Variants in NFAM1 observed in about 807,000 individuals in gnomAD.
NFAM1 encodes NFAT activation molecule 1.
In NFAM1, 17 loss-of-function variants were observed where a neutral mutation model predicts 29.0. The ratio of observed to expected loss-of-function variants is 0.59; its 90% confidence interval spans 0.40 to 0.88. NFAM1 has a LOEUF of 0.88. Among genes scored for constraint, NFAM1 ranks in the 40% least tolerant of loss-of-function variants. The pLI, the probability that NFAM1 is intolerant of heterozygous loss-of-function variation, is 0.00. For synonymous variants in NFAM1, 175 were observed against 147.2 expected (o/e 1.19, Z -1.36); for missense variants, 324 against 344.6 (o/e 0.94, Z 0.47).
chr22:42,417,232 A>G (rs1930290581), intron 1 of NFAM1, among the ~76,000 whole-genome samples: 1 of 152,168 alleles, frequency 6.6e-6, no homozygotes. Context: ...TGTCTGTTAC[A>G]CAGGGTTAGA....
At chr22:42,421,676 C>T (rs1434929885) in intron 1 of NFAM1, among the ~76,000 whole-genome samples, 3 of 152,114 alleles carry the variant, frequency 2.0e-5, no homozygotes, top group Admixed American at 6.6e-5. Context: ...CAGTCAAGGG[C>T]GTGAGGACCC....
At chr22:42,429,922 C>T (rs1273299018) in intron 1 of NFAM1, among the ~76,000 whole-genome samples, 3 of 152,126 alleles carry the variant, frequency 2.0e-5, no homozygotes, top group Non-Finnish European at 4.4e-5. Flanking sequence ...AGGGGTGTGA[C>T]ATGGAGTGAC....
At chr22:42,402,010 T>C (rs1261334422) in intron 3 of NFAM1, among the ~76,000 whole-genome samples, 1 of 152,186 alleles carries the variant, frequency 6.6e-6, no homozygotes, top group African/African-American at 2.4e-5. Flanking sequence ...CTGGGGACAC[T>C]AAGTCCCCCG....
At chr22:42,414,053 C>CAA (rs527811085) in intron 1 of NFAM1, among the ~76,000 whole-genome samples, 1 of 151,160 alleles carries the variant, frequency 6.6e-6, no homozygotes, top group Non-Finnish European at 1.5e-5. Flanking sequence ...GACTTCGTCT[C>CAA]AAAAAAAACA....
At chr22:42,410,479 C>T (rs1396154346) in intron 2 of NFAM1, 75 of 383,290 alleles carry the variant, frequency 2.0e-4, no homozygotes, top group African/African-American at 2.1e-4. Flanking sequence ...GCCAACATGG[C>T]GAAATCTTGT....
At chr22:42,418,798 C>A (rs1379198961) in intron 1 of NFAM1, among the ~76,000 whole-genome samples, 1 of 152,034 alleles carries the variant, frequency 6.6e-6, no homozygotes, top group African/African-American at 2.4e-5. Flanking sequence ...CACAGAAGGA[C>A]CCCCAGGGGT....
intron 4 of NFAM1, among the ~76,000 whole-genome samples, chr22:42,393,198 C>T (rs74854193): frequency 0.023 from 3,499 of 151,778 alleles, 68 homozygotes; most frequent in Middle Eastern, 0.041. Flanking sequence ...TAGACAAATC[C>T]ACAATCATAC....
In NFAM1 at chr22:42,409,528, G is replaced by C. The variant is rs1382964992; in HGVS notation, c.471C>G (p.Pro157=). 6.5e-7 allele frequency: 1 copy of C among 1,541,172 alleles called. No individual in the cohort carries two copies. The highest frequency in any genetic ancestry group is 8.8e-7 in the Non-Finnish European group (1 of 1,142,514). ...GCAGGAGCTTCTGTGGACTCTGCGGGGGCTCTCGGTACCCTGCGTCTAGGA... is the reference window on the plus strand; with the variant it reads ...GCAGGAGCTTCTGTGGACTCTGCGGCGGCTCTCGGTACCCTGCGTCTAGGA... The part of the protein sequence containing the change: ...ILVRDAGYRE[P]PQSPQKLLLF... The change falls in exon 3 of 6, where the codon CCC becomes CCG. Residue 157 remains proline (P), a synonymous_variant. Coordinates refer to ENST00000329021, the MANE Select transcript of NFAM1 (RefSeq NM_145912.8). The surrounding 1 kb of genome is among the most constrained non-coding windows in gnomAD (Gnocchi z 4.9).
chr22:42,401,611 T>C (rs1213932781), intron 3 of NFAM1, among the ~76,000 whole-genome samples: 1 of 152,116 alleles, frequency 6.6e-6, no homozygotes, highest in Non-Finnish European at 1.5e-5. Context: ...GGGGCTGCTT[T>C]GCTCCCTGCC....
At chr22:42,391,943 C>A (rs1209679488) in intron 4 of NFAM1, among the ~76,000 whole-genome samples, 3 of 87,798 alleles carry the variant, frequency 3.4e-5, no homozygotes, top group Admixed American at 1.6e-4. Flanking sequence ...GAGACTCTGT[C>A]TCAAAAAAAA....
chr22:42,400,287 A>G (rs1437463633), intron 3 of NFAM1, among the ~76,000 whole-genome samples: 1 of 152,112 alleles, frequency 6.6e-6, no homozygotes, highest in Admixed American at 6.5e-5. Context: ...TTTAATTCTC[A>G]TAACAGCCAG....
intron 1 of NFAM1, among the ~76,000 whole-genome samples, chr22:42,416,383 C>T (rs1930260618): frequency 6.6e-6 from 1 of 152,120 alleles, no homozygotes; most frequent in South Asian, 2.1e-4. Context: ...GCTTCGGACC[C>T]CAGTTGGTCT....
At chr22:42,408,992 G>C (rs887764065) in intron 3 of NFAM1, among the ~76,000 whole-genome samples, 8 of 151,656 alleles carry the variant, frequency 5.3e-5, no homozygotes, top group African/African-American at 1.9e-4. Context: ...GGGAGGGTGT[G>C]TGGGAGGGTT....
rs776115240 is a variant in NFAM1 at position 42,384,830 on chromosome 22, T to G, written c.*331A>C. Reference sequence around the variant, plus strand: ...AAGAGAGCATGCTGCTCTGTCAGCATGAGGCAGTGAGCAGGGCTCTGGGCA... The same window carrying G: ...AAGAGAGCATGCTGCTCTGTCAGCAGGAGGCAGTGAGCAGGGCTCTGGGCA... On this transcript the variant is annotated 3_prime_UTR_variant, in exon 6 of 6. Coordinates refer to ENST00000329021, the MANE Select transcript of NFAM1 (RefSeq NM_145912.8). 12 of 415,324 alleles carry G rather than the reference T, an allele frequency of 2.9e-5. No homozygotes were observed. The highest frequency in any genetic ancestry group is 2.4e-4 in the African/African-American group (12 of 49,354). The allele number at this position is 415,324 out of a possible 1,614,324, so 25.7% of individuals were successfully genotyped here. A position where few individuals can be genotyped will look rare whatever the true frequency, so the allele number is the denominator to read the frequency against.
intron 1 of NFAM1, among the ~76,000 whole-genome samples, chr22:42,417,950 C>T (rs747904101): frequency 1.3e-5 from 2 of 152,228 alleles, no homozygotes; most frequent in Non-Finnish European, 2.9e-5. Flanking sequence ...GAACTGCAAG[C>T]GCAGACATCT....
In NFAM1 at chr22:42,409,013, G is replaced by C. The variant is rs577014993; in HGVS notation, c.564+422C>G. Among the ~76,000 whole-genome samples, 1 of 151,924 alleles carries C rather than the reference G, an allele frequency of 6.6e-6. No homozygotes were observed. Among genetic ancestry groups the C allele is most frequent in the Non-Finnish European group, 1.5e-5 (1 of 67,924 alleles). On this transcript the variant is annotated intron_variant, in intron 3 of 5. Coordinates refer to ENST00000329021, the MANE Select transcript of NFAM1 (RefSeq NM_145912.8). This position sits in a 1 kb window ranked among gnomAD's most constrained non-coding sequence, Gnocchi z 4.9. ...GTGTGTGGGAGGGTTGCTGGAGGGC[G>C]TGCGAGAGGGCGAGTGGGAGGGTGT...
At chr22:42,400,607 G>C (rs559750506) in intron 3 of NFAM1, among the ~76,000 whole-genome samples, 1 of 152,312 alleles carries the variant, frequency 6.6e-6, no homozygotes, top group South Asian at 2.1e-4. Context: ...AAAAGAGTGA[G>C]ACTCTATCTC....
chr22:42,408,414 G>T (rs9623585), intron 3 of NFAM1, among the ~76,000 whole-genome samples: 3 of 152,020 alleles, frequency 2.0e-5, no homozygotes, highest in Admixed American at 6.5e-5. Context: ...CAGTGTTCAC[G>T]CCTCACACCC....
At chr22:42,392,950 C>A (rs1021829087) in intron 4 of NFAM1, among the ~76,000 whole-genome samples, 2 of 152,046 alleles carry the variant, frequency 1.3e-5, no homozygotes, top group African/African-American at 4.8e-5. Context: ...CAGGTGTGCA[C>A]CACCATGCCT....
Sources: gnomAD v4.1 joint callset for allele counts (sites outside exome capture counted in the v4.1 genomes callset) on GRCh38, gnomAD v4.1.1 for gene constraint, Gnocchi (gnomAD v3.1) non-coding constraint, MANE v1.5 for transcripts, NCBI Gene and HGNC (gene_info 2026-07-23, HGNC 2026-07-21) for gene names.